Variants in F5 observed in about 807,000 individuals in gnomAD.
F5 encodes the protein coagulation factor V.
A neutral mutation model predicts 216.4 loss-of-function variants in F5; 138 were observed. That is an observed-to-expected ratio of 0.64 (90% CI 0.56 to 0.73). F5 has a LOEUF of 0.73. F5 is among the 30% of genes least tolerant of loss of function. The pLI is 0.00. For synonymous variants in F5, 916 were observed against 930.7 expected (o/e 0.98, Z 0.29); for missense variants, 2,403 against 2,674.0 (o/e 0.90, Z 2.24).
intron 13 of F5, among the ~76,000 whole-genome samples, chr1:169,537,176 A>G (rs911064646): frequency 6.6e-6 from 1 of 152,140 alleles, no homozygotes; most frequent in Admixed American, 6.6e-5. Context: ...TTTTTGTCAA[A>G]CATATAAATG....
Position 169,520,682 on chromosome 1 carries a change from A to G in F5, c.6049-18T>C. On this transcript the variant is annotated intron_variant, in intron 21 of 24. Coordinates refer to ENST00000367797, the MANE Select transcript of F5 (RefSeq NM_000130.5). ...TTAAAATACTAGAAGAAAAGAGGAAAGTTTAGTTATGTAACAATGATCTAT... is the reference window on the plus strand; with the variant it reads ...TTAAAATACTAGAAGAAAAGAGGAAGGTTTAGTTATGTAACAATGATCTAT... 3 of 1,607,526 alleles carry G rather than the reference A, an allele frequency of 1.9e-6. No homozygotes were observed. The highest frequency in any genetic ancestry group is 2.6e-6 in the Non-Finnish European group (3 of 1,174,390).
rs139000687 is a variant in F5, at chr1:169,580,446, C to T, written c.250+1985G>A. 7.3e-3 allele frequency among the ~76,000 whole-genome samples: 1,104 copies of T among 151,214 alleles called. 12 individuals carry two copies. The highest frequency in any genetic ancestry group is 0.026 in the African/African-American group (1,049 of 41,128). On this transcript the variant is annotated intron_variant, in intron 2 of 24. Coordinates refer to ENST00000367797, the MANE Select transcript of F5 (RefSeq NM_000130.5). Reference sequence around the variant, plus strand: ...TCACCCAGGTTGGAGTGAAGTGATGCGATGTCAGCTCACTGCAGCCTCCAC... The same window carrying T: ...TCACCCAGGTTGGAGTGAAGTGATGTGATGTCAGCTCACTGCAGCCTCCAC...
Position 169,550,300 on chromosome 1 carries a change from C to G in F5, c.1397-285G>C, listed in dbSNP as rs1372317577. On this transcript the variant is annotated intron_variant, in intron 9 of 24. Transcript: ENST00000367797. ...CCCCCCGCCCCCCACCCCCCCCCCCCGACAGGCCCCGGTGTGTGATGTTCC... is the reference window on the plus strand; with the variant it reads ...CCCCCCGCCCCCCACCCCCCCCCCCGGACAGGCCCCGGTGTGTGATGTTCC... 1.5e-5 allele frequency among the ~76,000 whole-genome samples: 2 copies of G among 130,052 alleles called. 1 individual carries two copies. The highest frequency in any genetic ancestry group is 4.7e-4 in the East Asian group (2 of 4,296). 85.3% of individuals were successfully genotyped at this position (130,052 alleles called of 152,430 possible).
chr1:169,529,808 A>G lies in F5; in HGVS notation c.5219T>C (p.Ile1740Thr), dbSNP rs1210070876. 9 of 1,613,240 alleles carry G rather than the reference A, an allele frequency of 5.6e-6. No individual in the cohort carries two copies. Among genetic ancestry groups the G allele is most frequent in the South Asian group, 2.2e-5 (2 of 91,062 alleles). Residue 1740 changes from isoleucine to threonine, a missense_variant, in exon 16 of 25, where the codon ATT becomes ACT. Ile to Thr is a moderately conservative substitution (Grantham distance 89). This residue lies in a region of F5 where 659 missense variants were observed against 787.9 expected (regional missense o/e 0.84). Coordinates refer to ENST00000367797, the MANE Select transcript of F5 (RefSeq NM_000130.5). The part of the protein sequence containing the change: ...YYSAVNPEKD[I>T]HSGLIGPLLI... ...GAGGGGACCTATCAAGCCTGAGTGA[A>G]TATCTTTTTCCTGGAAAAACAGAGT...
intron 5 of F5, among the ~76,000 whole-genome samples, chr1:169,558,237 G>A (rs1285539769): frequency 1.3e-5 from 2 of 152,054 alleles, no homozygotes; most frequent in African/African-American, 2.4e-5. Flanking sequence ...ATCTAAGGTC[G>A]AGGTCAGTTA....
rs770760315 is a variant in F5, at chr1:169,542,303, A to G, written c.2787T>C (p.Ser929=). 3.1e-6 allele frequency: 5 copies of G among 1,614,142 alleles called. No homozygotes were observed. Among genetic ancestry groups the G allele is most frequent in the Non-Finnish European group, 4.2e-6 (5 of 1,179,990 alleles). ...TACTTTGTTTTAAGAGTAACAGATC[A>G]CTAGGAGGGTCCTTCCAGGGCCTCA... The part of the protein sequence containing the change: ...SRMRPWKDPP[S]DLLLLKQSNS... The change falls in exon 13 of 25, where the codon AGT becomes AGC. Residue 929 remains serine (S), a synonymous_variant. Coordinates refer to ENST00000367797, the MANE Select transcript of F5 (RefSeq NM_000130.5).
rs770480723 is a variant in F5, at chr1:169,540,479, G to T, written c.4611C>A (p.Asp1537Glu). The T allele has an allele frequency of 1.2e-6, 2 of 1,613,938 alleles. No individual in the cohort carries two copies. The highest frequency in any genetic ancestry group is 1.7e-5 in the Admixed American group (1 of 59,978). ...AGGGCACATAATCAATTTCAGCATA[G>T]TCATCTTCACTGCTCTGGACCTCTT... ...PKEEVQSSEDDYAEIDYVPYD... is the reference protein window; with the variant it reads ...PKEEVQSSEDEYAEIDYVPYD... The change falls in exon 13 of 25, where the codon GAC becomes GAA. Residue 1537 changes from aspartate (D) to glutamate (E), a missense_variant. By Grantham distance (45) the Asp-to-Glu change is conservative. Around this residue, in one of 4 missense-constraint regions of F5, gnomAD observed 293 missense variants for 270.8 expected, o/e 1.08. Transcript: ENST00000367797.
intron 23 of F5, among the ~76,000 whole-genome samples, chr1:169,516,857 G>T (rs1176644543): frequency 2.0e-5 from 3 of 152,098 alleles, no homozygotes; most frequent in Non-Finnish European, 4.4e-5. Context: ...ACTTTGAAAT[G>T]ACACCATTAA....
At chr1:169,545,099 A>G (rs9332596) in intron 11 of F5, among the ~76,000 whole-genome samples, 45,468 of 152,152 alleles carry the variant, frequency 0.3, 7,099 homozygotes, top group Admixed American at 0.44. Context: ...CTACAAGGGC[A>G]GGGCTCATGT....
At chr1:169,575,346 G>T (rs768986282) in intron 2 of F5, among the ~76,000 whole-genome samples, 1 of 152,188 alleles carries the variant, frequency 6.6e-6, no homozygotes, top group Non-Finnish European at 1.5e-5. Flanking sequence ...AGGTGAAGCC[G>T]AAGGCATCCT....
At chr1:169,521,615 A>ATTTTTTTTTT (rs35651599) in intron 21 of F5, among the ~76,000 whole-genome samples, 6 of 106,262 alleles carry the variant, frequency 5.6e-5, no homozygotes, top group Non-Finnish European at 1.1e-4. Context: ...CTGTGAAAAG[A>ATTTTTTTTTT]TTTTTTTTTT....
chr1:169,520,474 G>A (rs749382184), intron 22 of F5, 46 bp downstream of exon 22: 28 of 1,611,688 alleles, frequency 1.7e-5, no homozygotes, highest in Non-Finnish European at 2.4e-5. Flanking sequence ...CCCAAATCTT[G>A]ATTCTTTGAG....
intron 3 of F5, among the ~76,000 whole-genome samples, chr1:169,568,620 G>T (rs1380405384): frequency 1.3e-5 from 2 of 152,120 alleles, no homozygotes; most frequent in African/African-American, 4.8e-5. Context: ...AGAAGTCCTT[G>T]TTCAGCTGCT....
intron 10 of F5, among the ~76,000 whole-genome samples, chr1:169,549,565 A>G (rs1660111157): frequency 6.9e-6 from 1 of 144,940 alleles, no homozygotes; most frequent in Non-Finnish European, 1.5e-5. Context: ...ATTTGAAACT[A>G]AGACAAAATA....
At chr1:169,560,513 C>A in intron 4 of F5, 41 bp downstream of exon 4, 1 of 1,598,860 alleles carries the variant, frequency 6.3e-7, no homozygotes, top group Non-Finnish European at 8.6e-7. Context: ...CTGACCATTC[C>A]AACATTTAGT....
chr1:169,552,542 A>G lies in F5; in HGVS notation c.1296+15T>C. ...TATGTAATTTCTCCCATGATTCTGT[A>G]TTTGTGTTACTTACTTTGAGTGTGT... On this transcript the variant is annotated intron_variant, in intron 8 of 24. Transcript: ENST00000367797. The G allele has an allele frequency of 1.9e-6, 3 of 1,607,514 alleles. No homozygotes were observed. The highest frequency in any genetic ancestry group is 1.7e-6 in the Non-Finnish European group (2 of 1,174,348).
At chr1:169,519,547 C>T (rs9332662) in intron 22 of F5, among the ~76,000 whole-genome samples, 261 of 152,222 alleles carry the variant, frequency 1.7e-3, no homozygotes, top group African/African-American at 6.1e-3. Flanking sequence ...GGCAAAATAC[C>T]CATATCCATC....
chr1:169,550,003 G>A lies in F5; in HGVS notation c.1409C>T (p.Thr470Ile), dbSNP rs1660123429. The A allele has an allele frequency of 6.2e-7, 1 of 1,613,814 alleles. No homozygotes were observed. Among genetic ancestry groups the A allele is most frequent in the Non-Finnish European group, 8.5e-7 (1 of 1,179,876 alleles). ...CCCTGGTTGAACTGCTCTGATCATG[G>A]TGTTGTTCCTGCCTGAAAGAAAATA... is the stretch of plus-strand genomic sequence containing the variant. ...NSSFTSGRNN[T>I]MIRAVQPGET... The change falls in exon 10 of 25, where the codon ACC becomes ATC. Residue 470 changes from threonine (T) to isoleucine (I), a missense_variant. Coordinates refer to ENST00000367797, the MANE Select transcript of F5 (RefSeq NM_000130.5).
At chr1:169,528,311 G>A (rs1659506411) in intron 16 of F5, among the ~76,000 whole-genome samples, 1 of 152,192 alleles carries the variant, frequency 6.6e-6, no homozygotes, top group African/African-American at 2.4e-5. Context: ...CCAGCCTACA[G>A]CAGAAGGCAG....
Sources: allele counts gnomAD v4.1 joint callset (sites outside exome capture counted in the v4.1 genomes callset), GRCh38; gene constraint gnomAD v4.1.1; regional missense constraint gnomAD v4.1.1; transcripts MANE v1.5; gene names NCBI Gene and HGNC (gene_info 2026-07-23, HGNC 2026-07-21).